Variants in SETBP1 observed in about 807,000 individuals in gnomAD.
The protein encoded by SETBP1 is SET binding protein 1.
A neutral mutation model predicts 101.0 loss-of-function variants in SETBP1; 9 were observed. That is an observed-to-expected ratio of 0.09 (90% CI 0.05 to 0.16). The LOEUF is 0.16. Among genes scored for constraint, SETBP1 ranks in the 10% least tolerant of loss-of-function variants. SETBP1 has a pLI of 1.00. For synonymous variants in SETBP1, 818 were observed against 788.5 expected (o/e 1.04, Z -0.63); for missense variants, 1,858 against 2,033.8 (o/e 0.91, Z 1.66).
intron 2 of SETBP1, among the ~76,000 whole-genome samples, chr18:44,721,856 G>A (rs899921042): frequency 6.6e-6 from 1 of 152,220 alleles, no homozygotes; most frequent in African/African-American, 2.4e-5. Context: ...AATCTTGTTA[G>A]TGTCCATTGT....
At chr18:44,767,691 G>C (rs2070787566) in intron 2 of SETBP1, among the ~76,000 whole-genome samples, 1 of 152,186 alleles carries the variant, frequency 6.6e-6, no homozygotes, top group Admixed American at 6.5e-5. Flanking sequence ...TTATAATCCT[G>C]GGGGAGATGT....
At chr18:44,984,487 C>T (rs2072185721) in intron 4 of SETBP1, among the ~76,000 whole-genome samples, 1 of 152,086 alleles carries the variant, frequency 6.6e-6, no homozygotes, top group African/African-American at 2.4e-5. Flanking sequence ...GGCGGTAATG[C>T]TCACTCCTCC....
intron 2 of SETBP1, among the ~76,000 whole-genome samples, chr18:44,834,678 C>G (rs1275514268): frequency 6.6e-6 from 1 of 152,158 alleles, no homozygotes; most frequent in African/African-American, 2.4e-5. Context: ...CGTCAAATGT[C>G]AGGAGATGTG....
chr18:45,002,362 G>C (rs2072635352), intron 4 of SETBP1, among the ~76,000 whole-genome samples: 1 of 149,660 alleles, frequency 6.7e-6, no homozygotes, highest in East Asian at 2.0e-4. Context: ...AAACAAGGCT[G>C]AGCACACAGC....
chr18:45,048,245 C>G (rs922458607), intron 5 of SETBP1, among the ~76,000 whole-genome samples: 1 of 151,960 alleles, frequency 6.6e-6, no homozygotes, highest in Non-Finnish European at 1.5e-5. Flanking sequence ...CTTCTGAGTT[C>G]TAGTTTTCTC....
intron 3 of SETBP1, among the ~76,000 whole-genome samples, chr18:44,929,153 G>A (rs1482106931): frequency 2.6e-5 from 4 of 152,118 alleles, no homozygotes; most frequent in Non-Finnish European, 4.4e-5. Context: ...TTCTACATAT[G>A]GCTAGCCAGT....
chr18:44,999,739 A>T (rs2072577516), intron 4 of SETBP1, among the ~76,000 whole-genome samples: 1 of 152,256 alleles, frequency 6.6e-6, no homozygotes, highest in Non-Finnish European at 1.5e-5. Context: ...AGTTGATTCA[A>T]TTTTTCTGTG....
intron 5 of SETBP1, among the ~76,000 whole-genome samples, chr18:45,047,453 A>G (rs904856354): frequency 6.6e-6 from 1 of 152,230 alleles, no homozygotes; most frequent in South Asian, 2.1e-4. Flanking sequence ...GGCGCTTTCC[A>G]TTTCTAGAAG....
chr18:44,685,989 T>A (rs1392872799), intron 1 of SETBP1, among the ~76,000 whole-genome samples: 2 of 152,178 alleles, frequency 1.3e-5, no homozygotes, highest in African/African-American at 2.4e-5. Context: ...AGGAAAAAGA[T>A]GTGCAAACAC....
chr18:45,048,929 G>A (rs2073669049), intron 5 of SETBP1, among the ~76,000 whole-genome samples: 1 of 130,146 alleles, frequency 7.7e-6, no homozygotes, highest in African/African-American at 2.9e-5. Flanking sequence ...CCGAGATTGC[G>A]CCACTGCAGT....
At chr18:44,841,931 C>T (rs1253726610) in intron 2 of SETBP1, among the ~76,000 whole-genome samples, 1 of 152,160 alleles carries the variant, frequency 6.6e-6, no homozygotes, top group Non-Finnish European at 1.5e-5. Context: ...CAGCCTATGT[C>T]GAGTCATTTG....
At chr18:44,744,755 TCCAAC>T (rs1244910246) in intron 2 of SETBP1, among the ~76,000 whole-genome samples, 1 of 136,502 alleles carries the variant, frequency 7.3e-6, no homozygotes, top group Non-Finnish European at 1.5e-5. Context: ...GCCTGCATCG[TCCAAC>T]CCTCCTCTTA....
chr18:44,847,148 G>A (rs2072741332), intron 2 of SETBP1, among the ~76,000 whole-genome samples: 1 of 152,198 alleles, frequency 6.6e-6, no homozygotes, highest in South Asian at 2.1e-4. Flanking sequence ...TTAAGAATAG[G>A]CATAACACTA....
chr18:44,840,783 A>G (rs2072599686), intron 2 of SETBP1, among the ~76,000 whole-genome samples: 1 of 152,242 alleles, frequency 6.6e-6, no homozygotes, highest in Admixed American at 6.5e-5. Context: ...CAATTCTGGC[A>G]GTACCTTTAG....
intron 1 of SETBP1, among the ~76,000 whole-genome samples, chr18:44,682,814 A>C (rs1433337086): frequency 6.6e-6 from 1 of 152,180 alleles, no homozygotes; most frequent in Non-Finnish European, 1.5e-5. Flanking sequence ...AACCAAAACC[A>C]AAACAAACTA....
chr18:44,684,425 C>A (rs1186162646), intron 1 of SETBP1, among the ~76,000 whole-genome samples: 1 of 152,114 alleles, frequency 6.6e-6, no homozygotes, highest in East Asian at 1.9e-4. Flanking sequence ...TTTTACCGAA[C>A]TTTCTATTAG....
chr18:44,901,795 A>G (rs1029181353), intron 3 of SETBP1, among the ~76,000 whole-genome samples: 4 of 152,230 alleles, frequency 2.6e-5, no homozygotes, highest in African/African-American at 9.6e-5. Flanking sequence ...ACCAGTTAGA[A>G]ATATTACCCA....
chr18:44,952,350 T>C lies in SETBP1; in HGVS notation c.3010T>C (p.Leu1004=), dbSNP rs2071378612. 1 of 1,614,154 alleles carries C rather than the reference T, an allele frequency of 6.2e-7. No individual in the cohort carries two copies. The highest frequency in any genetic ancestry group is 2.2e-5 in the East Asian group (1 of 44,850). ...GGTGCCATATATCCAGTATGACCCG[T>C]TGCTCTATCTTCGTAGGACTTCAGA... is the stretch of plus-strand genomic sequence containing the variant. ...YPVPYIQYDP[L]LYLRRTSDLK... Residue 1004 remains leucine (L), a synonymous_variant, in exon 4 of 6, where the codon TTG becomes CTG. Coordinates refer to ENST00000649279, the MANE Select transcript of SETBP1 (RefSeq NM_015559.3).
intron 4 of SETBP1, chr18:44,986,862 T>A (rs2072247032): frequency 6.6e-6 from 1 of 152,122 alleles, no homozygotes; most frequent in African/African-American, 2.4e-5. Context: ...CTTTTTTTTA[T>A]AAGTAGAAGG....
Sources: gnomAD v4.1 joint callset for allele counts (sites outside exome capture counted in the v4.1 genomes callset) on GRCh38, gnomAD v4.1.1 for gene constraint, MANE v1.5 for transcripts, NCBI Gene and HGNC (gene_info 2026-07-23, HGNC 2026-07-21) for gene names.